Variants in FYN observed in about 807,000 individuals in gnomAD.
FYN encodes the protein FYN proto-oncogene, Src family tyrosine kinase.
A neutral mutation model predicts 70.2 loss-of-function variants in FYN; 10 were observed. That is an observed-to-expected ratio of 0.14 (90% CI 0.09 to 0.24). The LOEUF is 0.24. Among genes scored for constraint, FYN ranks in the 10% least tolerant of loss-of-function variants. FYN has a pLI of 1.00. For synonymous variants in FYN, 236 were observed against 248.6 expected (o/e 0.95, Z 0.48); for missense variants, 319 against 673.1 (o/e 0.47, Z 5.82).
chr6:111,854,066 C>T (rs1773759130), intron 1 of FYN, among the ~76,000 whole-genome samples: 1 of 152,152 alleles, frequency 6.6e-6, no homozygotes. Flanking sequence ...AGCAGACAGT[C>T]AGGTTAAGCA....
At chr6:111,683,425 C>A (rs1299819504) in intron 12 of FYN, among the ~76,000 whole-genome samples, 1 of 152,142 alleles carries the variant, frequency 6.6e-6, no homozygotes, top group African/African-American at 2.4e-5. Flanking sequence ...TTCTTGGTGA[C>A]CAGGCCAATT....
At chr6:111,692,286 T>C (rs1436268344) in intron 12 of FYN, among the ~76,000 whole-genome samples, 1 of 152,162 alleles carries the variant, frequency 6.6e-6, no homozygotes, top group Non-Finnish European at 1.5e-5. Flanking sequence ...AAGAACAAGG[T>C]TGGCCTTTTG....
chr6:111,778,979 G>A (rs926553179), intron 3 of FYN, among the ~76,000 whole-genome samples: 7 of 151,968 alleles, frequency 4.6e-5, no homozygotes, highest in Admixed American at 2.0e-4. Flanking sequence ...CTAAGATACA[G>A]AACAACTATA....
chr6:111,848,773 G>C (rs1419798096), intron 1 of FYN, among the ~76,000 whole-genome samples: 5 of 152,140 alleles, frequency 3.3e-5, no homozygotes, highest in Admixed American at 2.0e-4. Context: ...CTTTCTTAAG[G>C]CTGTCTTTCT....
chr6:111,665,860 T>C (rs1797976888), intron 13 of FYN, among the ~76,000 whole-genome samples: 2 of 152,192 alleles, frequency 1.3e-5, no homozygotes, highest in South Asian at 4.2e-4. Flanking sequence ...TGGCTTCAAG[T>C]GATCTGCCCA....
chr6:111,791,225 T>C (rs145843037), intron 2 of FYN, among the ~76,000 whole-genome samples: 13 of 152,022 alleles, frequency 8.6e-5, no homozygotes, highest in South Asian at 4.2e-4. Flanking sequence ...GAGAATAAAA[T>C]AGAATGTCCA....
chr6:111,782,807 C>T (rs184247235), intron 2 of FYN, among the ~76,000 whole-genome samples: 20 of 152,292 alleles, frequency 1.3e-4, no homozygotes, highest in Non-Finnish European at 2.6e-4. Context: ...AGGCCAGGTA[C>T]AGTTGCTCTG....
At chr6:111,663,268 C>G (rs1400493512) in intron 13 of FYN, among the ~76,000 whole-genome samples, 1 of 152,226 alleles carries the variant, frequency 6.6e-6, no homozygotes, top group African/African-American at 2.4e-5. Context: ...ATTTCTTCCC[C>G]TATTTCCCAG....
chr6:111,822,985 G>C (rs559462331), intron 2 of FYN, among the ~76,000 whole-genome samples: 30 of 152,276 alleles, frequency 2.0e-4, no homozygotes, highest in Non-Finnish European at 3.2e-4. Flanking sequence ...GGTAAAAACG[G>C]GGTGTAAGGG....
chr6:111,726,561 C>A (rs1051649515), intron 3 of FYN, among the ~76,000 whole-genome samples: 1 of 152,202 alleles, frequency 6.6e-6, no homozygotes, highest in South Asian at 2.1e-4. Flanking sequence ...CCATGGCCAA[C>A]ACACAGAGTC....
In FYN at chr6:111,694,336, A is replaced by G. The variant is rs748524208; in HGVS notation, c.1273+39T>C. The G allele has an allele frequency of 1.2e-6, 2 of 1,611,082 alleles. No individual in the cohort carries two copies. Among genetic ancestry groups the G allele is most frequent in the Admixed American group, 1.7e-5 (1 of 59,940 alleles). ...GGCTGTGCAGTAAGTGACTGTTCTC[A>G]CAGCTGTGATCACGAGCCATTGTCA... On this transcript the variant is annotated intron_variant, in intron 12 of 13. Coordinates refer to ENST00000354650, the MANE Select transcript of FYN (RefSeq NM_002037.5). This position sits in a 1 kb window ranked among gnomAD's most constrained non-coding sequence, Gnocchi z 5.0.
chr6:111,869,380 G>T (rs1774205952), intron 1 of FYN, among the ~76,000 whole-genome samples: 1 of 152,220 alleles, frequency 6.6e-6, no homozygotes, highest in African/African-American at 2.4e-5. Context: ...TTAAGAGGGA[G>T]TGGGACTGTG....
intron 2 of FYN, among the ~76,000 whole-genome samples, chr6:111,810,365 T>C (rs567911955): frequency 6.6e-6 from 1 of 152,242 alleles, no homozygotes; most frequent in East Asian, 1.9e-4. Flanking sequence ...CAGGCAGAAT[T>C]AAATTACAAG....
intron 9 of FYN, 178 bp from the exon 10 acceptor site, chr6:111,696,634 A>G (rs750009608): frequency 6.4e-5 from 33 of 511,850 alleles, no homozygotes; most frequent in Middle Eastern, 5.1e-4. Context: ...AGAAAAAATG[A>G]GTTTATTTGT....
intron 5 of FYN, among the ~76,000 whole-genome samples, chr6:111,709,656 T>C (rs1294539179): frequency 6.6e-6 from 1 of 152,240 alleles, no homozygotes. Context: ...TTAGTTCATG[T>C]CTAGATTTAT....
At chr6:111,807,183 A>G (rs1332137261) in intron 2 of FYN, among the ~76,000 whole-genome samples, 1 of 152,322 alleles carries the variant, frequency 6.6e-6, no homozygotes, top group Non-Finnish European at 1.5e-5. Context: ...GTAGGAAAAC[A>G]GTGTCTTGTA....
At chr6:111,795,944 TA>T (rs1431319862) in intron 2 of FYN, among the ~76,000 whole-genome samples, 1 of 152,246 alleles carries the variant, frequency 6.6e-6, no homozygotes, top group Non-Finnish European at 1.5e-5. Context: ...AAACGATTTA[TA>T]AATAATAATA....
intron 4 of FYN, among the ~76,000 whole-genome samples, chr6:111,717,229 C>G (rs1287885289): frequency 2.0e-5 from 3 of 151,940 alleles, no homozygotes; most frequent in Non-Finnish European, 4.4e-5. Context: ...TATGTTTGAT[C>G]AGACTGTTAG....
intron 2 of FYN, among the ~76,000 whole-genome samples, chr6:111,820,539 C>T (rs1186123272): frequency 1.3e-5 from 2 of 152,092 alleles, no homozygotes; most frequent in Admixed American, 6.5e-5. Flanking sequence ...TTTACTACAG[C>T]GCTTAGGATA....
Sources: allele counts gnomAD v4.1 joint callset (sites outside exome capture counted in the v4.1 genomes callset), GRCh38; gene constraint gnomAD v4.1.1; non-coding constraint Gnocchi (gnomAD v3.1); transcripts MANE v1.5; gene names NCBI Gene and HGNC (gene_info 2026-07-23, HGNC 2026-07-21).